SALL4: variants seen among roughly 807,000 people sequenced by gnomAD.
SALL4 encodes the protein sal-like protein 4.
Under a neutral mutation model 60.8 loss-of-function variants are expected in SALL4, and 4 were observed. That is an observed-to-expected ratio of 0.07 (90% CI 0.03 to 0.15). The LOEUF is 0.15. Among genes scored for constraint, SALL4 ranks in the 10% least tolerant of loss-of-function variants. The pLI is 1.00. For missense variants in SALL4, 1,178 were observed against 1,394.7 expected, an observed-to-expected ratio of 0.84 and a Z score of 2.48; for synonymous variants, 580 against 574.9, an observed-to-expected ratio of 1.01 and a Z score of -0.13.
At chr20:51,793,014 T>G (rs907234048) in intron 1 of SALL4, 1 of 978,294 alleles carries the variant, frequency 1.0e-6, no homozygotes. Flanking sequence ...CACACGAGCA[T>G]ACAATGATCT....
At chr20:51,794,141 G>A (rs13045436) in intron 1 of SALL4, among the ~76,000 whole-genome samples, 13,572 of 152,254 alleles carry the variant, frequency 0.089, 821 homozygotes, top group Non-Finnish European at 0.13. Flanking sequence ...AATGCCTCTC[G>A]TTCCACAATA....
rs765586690 is a variant in SALL4 at position 51,791,517 on chromosome 20, C to A, written c.966G>T (p.Val322=). Residue 322 remains valine (V), a synonymous_variant, in exon 2 of 4, where the codon GTG becomes GTT. Coordinates refer to ENST00000217086, the MANE Select transcript of SALL4 (RefSeq NM_020436.5). The surrounding 1 kb of genome is among the most constrained non-coding windows in gnomAD (Gnocchi z 4.6). ...GGAGGCGGGACATGACGTTCGGGAG[C>A]ACCCGGGTCCCATCCGGCTTCAGAG... ...PFTLKPDGTR[V]LPNVMSRLPS... 5 of 1,614,016 alleles carry A rather than the reference C, an allele frequency of 3.1e-6. No individual in the cohort carries two copies. The South Asian group carries it at 3.3e-5, about 11-fold the overall frequency.
chr20:51,796,330 G>A (rs115970365), intron 1 of SALL4, among the ~76,000 whole-genome samples: 2 of 151,498 alleles, frequency 1.3e-5, no homozygotes, highest in Non-Finnish European at 2.9e-5. Flanking sequence ...ACCTCTCCAA[G>A]CAAGAACAAA....
chr20:51,795,122 A>G (rs2078071817), intron 1 of SALL4, among the ~76,000 whole-genome samples: 1 of 152,178 alleles, frequency 6.6e-6, no homozygotes, highest in Non-Finnish European at 1.5e-5. Flanking sequence ...TAAGGCCCCA[A>G]TACTGCTGCG....
At position 51,790,809 on chromosome 20, in the gene SALL4, A is replaced by G; in HGVS notation, c.1674T>C (p.Ile558=). 6.2e-7 allele frequency: 1 copy of G among 1,614,044 alleles called. No homozygotes were observed. The highest frequency in any genetic ancestry group is 1.7e-5 in the Admixed American group (1 of 60,004). The part of the protein sequence containing the change: ...TLKLQQLVEN[I]DKATTDPNEC... ...CGTTGGGATCAGTGGTGGCCTTGTC[A>G]ATGTTCTCCACCAACTGCTGCAATT... is the stretch of plus-strand genomic sequence containing the variant. Residue 558 remains isoleucine (I), a synonymous_variant, in exon 2 of 4, where the codon ATT becomes ATC. Coordinates refer to ENST00000217086, the MANE Select transcript of SALL4 (RefSeq NM_020436.5). This position sits in a 1 kb window ranked among gnomAD's most constrained non-coding sequence, Gnocchi z 5.5.
At chr20:51,794,324 TC>T (rs2078067509) in intron 1 of SALL4, among the ~76,000 whole-genome samples, 1 of 152,210 alleles carries the variant, frequency 6.6e-6, no homozygotes, top group South Asian at 2.1e-4. Context: ...ACACCTGTGA[TC>T]CCAGCACTTT....
chr20:51,790,569 G>A lies in SALL4; in HGVS notation c.1914C>T (p.Ala638=), dbSNP rs1318365483. The A allele has an allele frequency of 5.6e-6, 9 of 1,614,032 alleles. No individual in the cohort carries two copies. Among genetic ancestry groups the A allele is most frequent in the East Asian group, 2.2e-5 (1 of 44,894 alleles). Residue 638 remains alanine, a synonymous_variant, in exon 2 of 4, where the codon GCC becomes GCT. Transcript: ENST00000217086. This position sits in a 1 kb window ranked among gnomAD's most constrained non-coding sequence, Gnocchi z 5.5. ...CPICQKKFTN[A]VMLQQHIRMH... Reference sequence around the variant, plus strand: ...TCCGAATATGTTGCTGCAGCATCACGGCATTAGTGAACTTCTTCTGGCAGA... The same window carrying A: ...TCCGAATATGTTGCTGCAGCATCACAGCATTAGTGAACTTCTTCTGGCAGA...
At chr20:51,794,675 T>C (rs1202769509) in intron 1 of SALL4, among the ~76,000 whole-genome samples, 1 of 152,224 alleles carries the variant, frequency 6.6e-6, no homozygotes, top group Non-Finnish European at 1.5e-5. Flanking sequence ...TTACTTTGTA[T>C]GTGCCAGGTA....
At position 51,787,095 on chromosome 20, in the gene SALL4, G is replaced by GAAAC. The variant is rs932739632; in HGVS notation, c.2742+1762_2742+1765dup. Among the ~76,000 whole-genome samples the GAAAC allele has an allele frequency of 4.7e-5, 7 of 149,946 alleles. No individual in the cohort carries two copies. The East Asian group carries it at 8.0e-4, about 17-fold the overall frequency. ...GGGCAACAAGAGCAAAACTGTCTCAGAAACAAACAAACAAACAAAACAAAC... is the reference window on the plus strand; with the variant it reads ...GGGCAACAAGAGCAAAACTGTCTCAGAAACAAACAAACAAACAAACAAAACAAAC... On this transcript the variant is annotated intron_variant, in intron 3 of 3. Coordinates refer to ENST00000217086, the MANE Select transcript of SALL4 (RefSeq NM_020436.5).
intron 2 of SALL4, among the ~76,000 whole-genome samples, chr20:51,789,720 A>T (rs185550503): frequency 1.3e-5 from 2 of 152,212 alleles, no homozygotes; most frequent in African/African-American, 4.8e-5. Context: ...GAAAAAAACT[A>T]TAACAAAATA....
Position 51,791,057 on chromosome 20 carries a change from G to A in SALL4, c.1426C>T (p.Pro476Ser), listed in dbSNP as rs2078036111. ...DEPSLSLDSKPVLVTTSVGLP... is the reference protein window; with the variant it reads ...DEPSLSLDSKSVLVTTSVGLP... ...CCTACAGAGGTGGTTACAAGGACAGGTTTGCTGTCTAAAGAAAGACTCGGT... is the reference window on the plus strand; with the variant it reads ...CCTACAGAGGTGGTTACAAGGACAGATTTGCTGTCTAAAGAAAGACTCGGT... Residue 476 changes from proline (P) to serine (S), a missense_variant, in exon 2 of 4, where the codon CCT (proline) becomes TCT (serine). Physicochemically the swap from Pro to Ser is moderately conservative, Grantham distance 74. Coordinates refer to ENST00000217086, the MANE Select transcript of SALL4 (RefSeq NM_020436.5). The surrounding 1 kb of genome is among the most constrained non-coding windows in gnomAD (Gnocchi z 4.6). The A allele has an allele frequency of 6.2e-7, 1 of 1,614,026 alleles. No individual in the cohort carries two copies. Among genetic ancestry groups the A allele is most frequent in the African/African-American group, 1.3e-5 (1 of 74,914 alleles).
chr20:51,797,819 A>G (rs1208879584), intron 1 of SALL4, among the ~76,000 whole-genome samples: 2 of 151,972 alleles, frequency 1.3e-5, no homozygotes, highest in Admixed American at 6.6e-5. Flanking sequence ...CCAAATGGAT[A>G]GAAAATACTC....
At chr20:51,799,691 A>G (rs1307014186) in intron 1 of SALL4, among the ~76,000 whole-genome samples, 1 of 152,232 alleles carries the variant, frequency 6.6e-6, no homozygotes, top group Non-Finnish European at 1.5e-5. Context: ...TGGAAATAGG[A>G]AGTTATTCGA....
At chr20:51,792,688 CAAAAAAAAAAA>C (rs57662451) in intron 1 of SALL4, 2 of 179,858 alleles carry the variant, frequency 1.1e-5, no homozygotes, top group South Asian at 2.4e-4. Flanking sequence ...GACTCCATCT[CAAAAAAAAAAA>C]AAAAAAAAAA....
chr20:51,783,234 A>G lies in SALL4; in HGVS notation c.*1031T>C, dbSNP rs1035545950. ...GGGATTTGGGAAGAGGAAGGCATCC[A>G]AGAGGTGTGGGGAAAACATTGGCAC... is the stretch of plus-strand genomic sequence containing the variant. On this transcript the variant is annotated 3_prime_UTR_variant, in exon 4 of 4. Coordinates refer to ENST00000217086, the MANE Select transcript of SALL4 (RefSeq NM_020436.5). 1 of 152,162 alleles carries G rather than the reference A, an allele frequency of 6.6e-6. No homozygotes were observed. The highest frequency in any genetic ancestry group is 2.4e-5 in the African/African-American group (1 of 41,424). 9.4% of individuals were successfully genotyped at this position (152,162 alleles called of 1,614,324 possible).
chr20:51,792,041 C>T lies in SALL4; in HGVS notation c.442G>A (p.Asp148Asn). 1 of 1,614,204 alleles carries T rather than the reference C, an allele frequency of 6.2e-7. No individual in the cohort carries two copies. Among genetic ancestry groups the T allele is most frequent in the African/African-American group, 1.3e-5 (1 of 75,054 alleles). Residue 148 changes from aspartate (D) to asparagine (N), a missense_variant, in exon 2 of 4, where the codon GAT becomes AAT. This residue lies in a region of SALL4 where 853 missense variants were observed against 1,036.8 expected (regional missense o/e 0.82). Coordinates refer to ENST00000217086, the MANE Select transcript of SALL4 (RefSeq NM_020436.5). ...TTTAGGTACACCACAGACTCCGCAT[C>T]CGGCTTCTCCTTCATGTCCTCTGAG... ...GSSEDMKEKP[D>N]AESVVYLKTE...
In SALL4 at chr20:51,784,623, A is replaced by T. The variant is rs1447466703; in HGVS notation, c.2804T>A (p.Ile935Asn). 1 of 1,614,052 alleles carries T rather than the reference A, an allele frequency of 6.2e-7. No homozygotes were observed. The highest frequency in any genetic ancestry group is 8.5e-7 in the Non-Finnish European group (1 of 1,180,022). Reference protein sequence around the residue: ...NSARRGRKLAIENTMALLGTD... With the variant: ...NSARRGRKLANENTMALLGTD... ...ACCTAACAGAGCCATGGTGTTCTCGATGGCCAACTTCCTTCCACGGCGGGC... is the reference window on the plus strand; with the variant it reads ...ACCTAACAGAGCCATGGTGTTCTCGTTGGCCAACTTCCTTCCACGGCGGGC... Residue 935 changes from isoleucine (I) to asparagine (N), a missense_variant, in exon 4 of 4, where the codon ATC becomes AAC. Ile to Asn is a moderately radical substitution (Grantham distance 149). Transcript: ENST00000217086.
In SALL4 at chr20:51,790,508, G is replaced by C. The variant is rs568051940; in HGVS notation, c.1975C>G (p.Pro659Ala). 21 of 1,613,986 alleles carry C rather than the reference G, an allele frequency of 1.3e-5. No individual in the cohort carries two copies. Among genetic ancestry groups the C allele is most frequent in the African/African-American group, 2.7e-5 (2 of 74,914 alleles). Residue 659 changes from proline (P) to alanine (A), a missense_variant, in exon 2 of 4, where the codon CCA becomes GCA. Physicochemically the swap from Pro to Ala is conservative, Grantham distance 27. Coordinates refer to ENST00000217086, the MANE Select transcript of SALL4 (RefSeq NM_020436.5). The surrounding 1 kb of genome is among the most constrained non-coding windows in gnomAD (Gnocchi z 5.5). ...CCCGTAAAGTCACAGGGATTCTCTG[G>C]CAGGGGCGTGTTGGGAATCTGACCG... ...MGGQIPNTPLPENPCDFTGSE... is the reference protein window; with the variant it reads ...MGGQIPNTPLAENPCDFTGSE...
At chr20:51,796,718 A>C (rs917965052) in intron 1 of SALL4, among the ~76,000 whole-genome samples, 2 of 152,202 alleles carry the variant, frequency 1.3e-5, no homozygotes, top group African/African-American at 2.4e-5. Context: ...ACTATTTAAC[A>C]GCACTAAAAT....
Sources: allele counts gnomAD v4.1 joint callset (sites outside exome capture counted in the v4.1 genomes callset), GRCh38; gene constraint gnomAD v4.1.1; regional missense constraint gnomAD v4.1.1; non-coding constraint Gnocchi (gnomAD v3.1); transcripts MANE v1.5; gene names NCBI Gene and HGNC (gene_info 2026-07-23, HGNC 2026-07-21).